Variants in RPSA2 observed in about 807,000 individuals in gnomAD.
The protein encoded by RPSA2 is ribosomal protein SA 2, also known as small ribosomal subunit protein uS2B.
chr19:23,840,334 C>T, the RPSA2 span, among the ~76,000 whole-genome samples: 3 of 152,164 alleles, frequency 2.0e-5, no homozygotes, highest in African/African-American at 7.2e-5. Context: ...AGGCTTCTTA[C>T]ATATCACAAA....
At chr19:23,827,865 C>T in the RPSA2 span, 1 of 1,032,344 alleles carries the variant, frequency 9.7e-7, no homozygotes, top group Non-Finnish European at 1.5e-6. Context: ...ACTGCTCCCT[C>T]TCCTGAGTTC....
At chr19:23,864,003 G>A in the RPSA2 span, among the ~76,000 whole-genome samples, 162 of 152,276 alleles carry the variant, frequency 1.1e-3, no homozygotes, top group Non-Finnish European at 2.0e-3. Flanking sequence ...CAAAATCAAT[G>A]AGAAACTGAG....
At chr19:23,851,109 AGTAGCC>A in the RPSA2 span, among the ~76,000 whole-genome samples, 1 of 152,204 alleles carries the variant, frequency 6.6e-6, no homozygotes, top group African/African-American at 2.4e-5. Flanking sequence ...CTGTTTGGCA[AGTAGCC>A]CAAATAAAGC....
At chr19:23,828,607 A>G in the RPSA2 span, among the ~76,000 whole-genome samples, 1 of 139,594 alleles carries the variant, frequency 7.2e-6, no homozygotes, top group Non-Finnish European at 1.5e-5. Context: ...CATTTTGGTC[A>G]TAGAATGTAG....
the RPSA2 span, among the ~76,000 whole-genome samples, chr19:23,778,403 AG>A: frequency 1.3e-4 from 20 of 152,060 alleles, no homozygotes; most frequent in African/African-American, 4.6e-4. Context: ...TAGTAGAGAC[AG>A]GGTTTCTTCA....
the RPSA2 span, among the ~76,000 whole-genome samples, chr19:23,768,754 A>C: frequency 2.0e-5 from 3 of 147,284 alleles, no homozygotes; most frequent in African/African-American, 5.0e-5. Flanking sequence ...GGCCCATCTA[A>C]TTTTTCTATA....
chr19:23,773,304 A>T, the RPSA2 span, among the ~76,000 whole-genome samples: 2 of 97,220 alleles, frequency 2.1e-5, no homozygotes, highest in Non-Finnish European at 4.4e-5. Context: ...TTTTTTTTTT[A>T]AGACAGAGTC....
At chr19:23,834,877 T>C in the RPSA2 span, among the ~76,000 whole-genome samples, 1 of 152,094 alleles carries the variant, frequency 6.6e-6, no homozygotes, top group African/African-American at 2.4e-5. Context: ...AAAAATATTG[T>C]TCCTATAGGT....
At chr19:23,825,465 CTG>C in the RPSA2 span, among the ~76,000 whole-genome samples, 2 of 152,056 alleles carry the variant, frequency 1.3e-5, no homozygotes, top group African/African-American at 4.8e-5. Flanking sequence ...AGAATTATCT[CTG>C]TGTTTGTTTT....
At chr19:23,770,490 G>A in the RPSA2 span, among the ~76,000 whole-genome samples, 1 of 152,320 alleles carries the variant, frequency 6.6e-6, no homozygotes, top group South Asian at 2.1e-4. Context: ...TTTGGGTATA[G>A]TGACGTATCA....
the RPSA2 span, among the ~76,000 whole-genome samples, chr19:23,800,334 C>T: frequency 6.6e-6 from 1 of 151,984 alleles, no homozygotes; most frequent in Non-Finnish European, 1.5e-5. Context: ...GCCAGCATGC[C>T]CAACCTCTTT....
the RPSA2 span, among the ~76,000 whole-genome samples, chr19:23,837,302 G>A: frequency 6.6e-6 from 1 of 151,998 alleles, no homozygotes; most frequent in East Asian, 1.9e-4. Flanking sequence ...GTAAGTATTT[G>A]GGTTTATTTC....
At chr19:23,865,190 A>G in the RPSA2 span, among the ~76,000 whole-genome samples, 16 of 152,312 alleles carry the variant, frequency 1.1e-4, no homozygotes, top group Admixed American at 9.8e-4. Flanking sequence ...CAGTGCTCTA[A>G]AAAAGTACTG....
At chr19:23,780,597 C>T in the RPSA2 span, among the ~76,000 whole-genome samples, 6 of 151,774 alleles carry the variant, frequency 4.0e-5, no homozygotes, top group African/African-American at 1.5e-4. Flanking sequence ...GAGCTGAGAT[C>T]GTGCCACTGC....
At chr19:23,859,544 T>C in the RPSA2 span, among the ~76,000 whole-genome samples, 411 of 152,244 alleles carry the variant, frequency 2.7e-3, no homozygotes, top group African/African-American at 9.6e-3. Context: ...GGAGAATCAC[T>C]TGAAACTGGA....
the RPSA2 span, among the ~76,000 whole-genome samples, chr19:23,761,901 ATTCTTTCT>A: frequency 6.8e-4 from 23 of 34,028 alleles, 1 homozygote; most frequent in Middle Eastern, 0.016. Flanking sequence ...GGGTAACGTA[ATTCTTTCT>A]TTCTTTCTTT....
At chr19:23,833,010 A>G in the RPSA2 span, 2 of 1,415,462 alleles carry the variant, frequency 1.4e-6, no homozygotes, top group Non-Finnish European at 1.9e-6. Context: ...GGCAGTCTTC[A>G]ATTTTTGCTA....
the RPSA2 span, among the ~76,000 whole-genome samples, chr19:23,866,097 C>G: frequency 6.6e-6 from 1 of 152,186 alleles, no homozygotes; most frequent in Admixed American, 6.5e-5. Flanking sequence ...CTTTTCAGAT[C>G]TGGTACAACA....
the RPSA2 span, among the ~76,000 whole-genome samples, chr19:23,824,580 C>CTTTCTTT: frequency 0.046 from 2,948 of 63,526 alleles, 726 homozygotes; most frequent in Middle Eastern, 0.071. Flanking sequence ...TATAGCATTT[C>CTTTCTTT]TTTTTTTTTT....
Sources: gnomAD v4.1 joint callset for allele counts (sites outside exome capture counted in the v4.1 genomes callset) on GRCh38, gnomAD v4.1.1 for gene constraint, MANE v1.5 for transcripts, NCBI Gene and HGNC (gene_info 2026-07-23, HGNC 2026-07-21) for gene names.